ZCCHC2: variants seen among roughly 807,000 people sequenced by gnomAD.
ZCCHC2 encodes the protein zinc finger CCHC domain-containing protein 2.
Under a neutral mutation model 103.6 loss-of-function variants are expected in ZCCHC2, and 39 were observed. The observed-to-expected ratio is 0.38, with a 90% CI of 0.29 to 0.49. The LOEUF is 0.49. Among genes scored for constraint, ZCCHC2 ranks in the 20% least tolerant of loss-of-function variants. ZCCHC2 has a pLI of 0.96. For synonymous variants in ZCCHC2, 687 were observed against 608.9 expected (o/e 1.13, Z -1.89); for missense variants, 1,483 against 1,491.0 (o/e 0.99, Z 0.09).
intron 9 of ZCCHC2, among the ~76,000 whole-genome samples, chr18:62,563,978 T>C (rs1916233727): frequency 6.6e-6 from 1 of 152,208 alleles, no homozygotes; most frequent in South Asian, 2.1e-4. Context: ...TCCCTGTGTA[T>C]ATGTTACAAG....
At chr18:62,579,108 A>G (rs184203105), downstream of ZCCHC2, among the ~76,000 whole-genome samples, 271 of 152,240 alleles carry the variant, frequency 1.8e-3, 1 homozygote, top group Non-Finnish European at 2.8e-3. Flanking sequence ...CGTGACCACT[A>G]GAGAAAGGGG....
At chr18:62,534,594 G>A (rs1214604656) in intron 1 of ZCCHC2, among the ~76,000 whole-genome samples, 1 of 152,166 alleles carries the variant, frequency 6.6e-6, no homozygotes, top group Non-Finnish European at 1.5e-5. Context: ...TGAAGTGAAC[G>A]CTCTATAACA....
chr18:62,583,924 A>T (rs1228711419), intron 14 of ZCCHC2, among the ~76,000 whole-genome samples: 1 of 152,090 alleles, frequency 6.6e-6, no homozygotes, highest in Non-Finnish European at 1.5e-5. Flanking sequence ...GCCCCTTCAG[A>T]TGACCCTGTG....
At position 62,524,138 on chromosome 18, in the gene ZCCHC2, G is replaced by T. The variant is rs372973776; in HGVS notation, c.714G>T (p.Pro238=). 27 of 1,542,602 alleles carry T rather than the reference G, an allele frequency of 1.8e-5. No homozygotes were observed. The highest frequency in any genetic ancestry group is 1.7e-4 in the Middle Eastern group (1 of 5,914). Reference sequence around the variant, plus strand: ...ACGCCGAGAAGGACGGCTCAGGCCCGGAAGGCGGCATTGTGGAGCCCCGGG... The same window carrying T: ...ACGCCGAGAAGGACGGCTCAGGCCCTGAAGGCGGCATTGTGGAGCCCCGGG... ...EQDAEKDGSG[P]EGGIVEPRVG... is the part of the protein sequence containing the mutation. Residue 238 remains proline (P), a synonymous_variant, in exon 1 of 14, where the codon CCG becomes CCT. Coordinates refer to ENST00000269499, the MANE Select transcript of ZCCHC2 (RefSeq NM_017742.6).
downstream of ZCCHC2, among the ~76,000 whole-genome samples, chr18:62,582,261 C>T (rs1046693676): frequency 4.9e-4 from 74 of 152,162 alleles, 1 homozygote; most frequent in Middle Eastern, 3.4e-3. Context: ...CCAGGAGGGC[C>T]GAGACTAAGG....
intron 1 of ZCCHC2, among the ~76,000 whole-genome samples, chr18:62,527,757 T>C (rs533569735): frequency 6.6e-6 from 1 of 152,344 alleles, no homozygotes; most frequent in Non-Finnish European, 1.5e-5. Flanking sequence ...ACAGACTGCT[T>C]ATATAGCATA....
chr18:62,534,436 C>G (rs1914834105), intron 1 of ZCCHC2, among the ~76,000 whole-genome samples: 1 of 152,050 alleles, frequency 6.6e-6, no homozygotes, highest in Non-Finnish European at 1.5e-5. Flanking sequence ...CATATATTAA[C>G]CTATTTTCTT....
chr18:62,559,086 TG>T (rs1568551518), intron 7 of ZCCHC2, among the ~76,000 whole-genome samples: 1 of 152,232 alleles, frequency 6.6e-6, no homozygotes, highest in African/African-American at 2.4e-5. Context: ...ACAACTTATA[TG>T]TAAAATGTAA....
chr18:62,584,634 A>G (rs913830435), exon 15 of ZCCHC2: 1 of 152,232 alleles, frequency 6.6e-6, no homozygotes, highest in South Asian at 2.1e-4. Flanking sequence ...GCCTGTGCCC[A>G]AAACCTTAAA....
At chr18:62,541,536 T>C (rs1486880562) in intron 2 of ZCCHC2, among the ~76,000 whole-genome samples, 1 of 122,312 alleles carries the variant, frequency 8.2e-6, no homozygotes, top group African/African-American at 3.5e-5. Context: ...CATCTCCTGC[T>C]CTCCTGAATC....
Position 62,574,915 on chromosome 18 carries a change from C to T in ZCCHC2, c.2834C>T (p.Pro945Leu), listed in dbSNP as rs774947135. Residue 945 changes from proline to leucine, a missense_variant, in exon 13 of 14, where the codon CCA becomes CTA. By Grantham distance (98) the Pro-to-Leu change is moderately conservative. Coordinates refer to ENST00000269499, the MANE Select transcript of ZCCHC2 (RefSeq NM_017742.6). ...AGCACAGCAGCAACTTCTCCCCAGC[C>T]AGCGAGCGCAGGTATCAGCCAGGCC... is the stretch of plus-strand genomic sequence containing the variant. Reference protein sequence around the residue: ...VLSTAATSPQPASAGISQAQA... With the variant: ...VLSTAATSPQLASAGISQAQA... The T allele has an allele frequency of 5.6e-6, 9 of 1,613,746 alleles. No homozygotes were observed. The highest frequency in any genetic ancestry group is 5.3e-5 in the African/African-American group (4 of 74,940).
intron 2 of ZCCHC2, 145 bp from the exon 3 acceptor site, chr18:62,542,353 T>A (rs1431643336): frequency 3.4e-6 from 2 of 596,974 alleles, no homozygotes; most frequent in East Asian, 2.9e-5. Context: ...TCTTTTTTTT[T>A]ATTTCATGAT....
chr18:62,560,034 C>G (rs568592269), intron 7 of ZCCHC2, among the ~76,000 whole-genome samples: 33 of 152,244 alleles, frequency 2.2e-4, no homozygotes, highest in African/African-American at 6.5e-4. Context: ...CATGTAACAG[C>G]TAATGTGTTT....
intron 3 of ZCCHC2, among the ~76,000 whole-genome samples, chr18:62,543,682 T>C (rs1438337448): frequency 6.6e-6 from 1 of 152,228 alleles, no homozygotes. Flanking sequence ...TCCGAGATCC[T>C]TCTTGACACC....
Position 62,524,108 on chromosome 18 carries a change from G to C in ZCCHC2, c.684G>C (p.Glu228Asp). ...AGCGCGGCGAGGACGGCGACGGCGA[G>C]CAGGACGCCGAGAAGGACGGCTCAG... ...EDERGEDGDG[E>D]QDAEKDGSGP... The change falls in exon 1 of 14, where the codon GAG (glutamate) becomes GAC (aspartate). Residue 228 changes from glutamate to aspartate, a missense_variant. By Grantham distance (45) the Glu-to-Asp change is conservative. This residue lies in a region of ZCCHC2 where 568 missense variants were observed against 525.1 expected (regional missense o/e 1.08). Transcript: ENST00000269499. 2 of 1,524,122 alleles carry C rather than the reference G, an allele frequency of 1.3e-6. No homozygotes were observed. The highest frequency in any genetic ancestry group is 1.8e-6 in the Non-Finnish European group (2 of 1,140,354). 94.4% of individuals were successfully genotyped at this position (1,524,122 alleles called of 1,614,324 possible). A position where few individuals can be genotyped will look rare whatever the true frequency, so the allele number is the denominator to read the frequency against.
intron 8 of ZCCHC2, among the ~76,000 whole-genome samples, chr18:62,561,007 A>G (rs1916092249): frequency 6.6e-6 from 1 of 152,132 alleles, no homozygotes; most frequent in Non-Finnish European, 1.5e-5. Context: ...CTGCAACATC[A>G]TTTATTTCCC....
intron 3 of ZCCHC2, 76 bp downstream of exon 3, chr18:62,542,650 C>A: frequency 7.9e-7 from 1 of 1,268,890 alleles, no homozygotes. Context: ...GGCAGGTTTG[C>A]TAATTTAAGG....
chr18:62,526,572 A>G (rs530396606), intron 1 of ZCCHC2, among the ~76,000 whole-genome samples: 9 of 152,210 alleles, frequency 5.9e-5, no homozygotes, highest in African/African-American at 2.2e-4. Context: ...GGCTGAGTTA[A>G]GCCCTCATTC....
At chr18:62,558,483 T>G (rs1463031447) in intron 6 of ZCCHC2, 3 of 347,700 alleles carry the variant, frequency 8.6e-6, no homozygotes, top group Non-Finnish European at 1.1e-5. Context: ...CAGTCGCTCT[T>G]CAGGGAACAG....
Sources: allele counts gnomAD v4.1 joint callset (sites outside exome capture counted in the v4.1 genomes callset), GRCh38; gene constraint gnomAD v4.1.1; regional missense constraint gnomAD v4.1.1; transcripts MANE v1.5; gene names NCBI Gene and HGNC (gene_info 2026-07-23, HGNC 2026-07-21).